ABCB1: variants seen among roughly 807,000 people sequenced by gnomAD.
ABCB1 encodes ATP binding cassette subfamily B member 1, also known as ATP-dependent translocase ABCB1.
A neutral mutation model predicts 142.0 loss-of-function variants in ABCB1; 69 were observed. The observed-to-expected ratio is 0.49, with a 90% CI of 0.40 to 0.59. The LOEUF (loss-of-function observed/expected upper bound fraction) is 0.59. Among genes scored for constraint, ABCB1 ranks in the 20% least tolerant of loss-of-function variants. The pLI is 0.00. For missense variants in ABCB1, 1,326 were observed against 1,554.7 expected, an observed-to-expected ratio of 0.85 and a Z score of 2.47; for synonymous variants, 532 against 539.2, an observed-to-expected ratio of 0.99 and a Z score of 0.18.
chr7:87,504,760 G>C (rs892706142), intron 27 of ABCB1, among the ~76,000 whole-genome samples: 3 of 150,306 alleles, frequency 2.0e-5, no homozygotes, highest in Admixed American at 1.3e-4. Context: ...AGCCAAGATT[G>C]CGCCACTGCA....
intron 25 of ABCB1, among the ~76,000 whole-genome samples, chr7:87,514,888 C>A (rs1182918294): frequency 6.6e-6 from 1 of 152,220 alleles, no homozygotes; most frequent in Non-Finnish European, 1.5e-5. Context: ...AGTCTCCATC[C>A]TTGGCTTTCA....
At chr7:87,653,582 A>G (rs1475042410) in intron 1 of ABCB1, among the ~76,000 whole-genome samples, 1 of 152,156 alleles carries the variant, frequency 6.6e-6, no homozygotes, top group African/African-American at 2.4e-5. Context: ...GTTATTGGAC[A>G]GGTTAGATTA....
intron 18 of ABCB1, among the ~76,000 whole-genome samples, 170 bp from the exon 19 acceptor site, chr7:87,539,515 G>A (rs188005670): frequency 4.6e-5 from 7 of 152,338 alleles, no homozygotes; most frequent in Admixed American, 6.5e-5. Flanking sequence ...TACGGGTGGT[G>A]TAGACAGAAA....
intron 23 of ABCB1, among the ~76,000 whole-genome samples, chr7:87,517,348 T>A (rs1400916589): frequency 6.7e-6 from 1 of 149,664 alleles, no homozygotes; most frequent in African/African-American, 2.5e-5. Flanking sequence ...CATGCATGCA[T>A]GTGTTCTCTC....
chr7:87,710,573 A>G (rs1829987115), intron 1 of ABCB1: 2 of 1,559,916 alleles, frequency 1.3e-6, no homozygotes, highest in Admixed American at 1.8e-5. Flanking sequence ...CTTTTAGGGT[A>G]GAGCCTGGAT....
chr7:87,561,051 A>T (rs181992634), intron 8 of ABCB1, among the ~76,000 whole-genome samples: 1 of 152,252 alleles, frequency 6.6e-6, no homozygotes, highest in Non-Finnish European at 1.5e-5. Flanking sequence ...GTTATTGCCC[A>T]TCTAGAAAAC....
At chr7:87,526,405 G>T (rs2117115107) in intron 21 of ABCB1, among the ~76,000 whole-genome samples, 1 of 152,088 alleles carries the variant, frequency 6.6e-6, no homozygotes, top group Non-Finnish European at 1.5e-5. Context: ...GAGTGGCGAG[G>T]CACAGTGGCT....
At chr7:87,700,424 A>G in intron 1 of ABCB1, 1 of 1,600,244 alleles carries the variant, frequency 6.2e-7, no homozygotes, top group Non-Finnish European at 8.5e-7. Context: ...CCTGAAGGTC[A>G]AGTAACCTGG....
chr7:87,581,905 CTG>C (rs1309820060), intron 4 of ABCB1, among the ~76,000 whole-genome samples: 1 of 152,160 alleles, frequency 6.6e-6, no homozygotes, highest in Non-Finnish European at 1.5e-5. Flanking sequence ...AATGATCTGA[CTG>C]TATCTCGGGC....
At chr7:87,646,741 G>T (rs936192671) in intron 1 of ABCB1, among the ~76,000 whole-genome samples, 1 of 142,646 alleles carries the variant, frequency 7.0e-6, no homozygotes, top group Non-Finnish European at 1.6e-5. Context: ...AGTTTGCCAG[G>T]GATTGGCAGC....
At chr7:87,658,412 A>G (rs1234879858) in intron 1 of ABCB1, among the ~76,000 whole-genome samples, 2 of 152,194 alleles carry the variant, frequency 1.3e-5, no homozygotes, top group Non-Finnish European at 1.5e-5. Context: ...TGGGACAATA[A>G]CAAAAGATGA....
intron 25 of ABCB1, among the ~76,000 whole-genome samples, chr7:87,514,108 A>G (rs1320791238): frequency 6.6e-6 from 1 of 152,188 alleles, no homozygotes. Context: ...TATGAGTAAG[A>G]GTGACCGCTG....
intron 1 of ABCB1, among the ~76,000 whole-genome samples, chr7:87,688,964 T>A (rs886395887): frequency 2.0e-5 from 3 of 152,028 alleles, no homozygotes; most frequent in African/African-American, 7.2e-5. Flanking sequence ...AAATATTTAC[T>A]TATTTACAGA....
rs1052044790 is a variant in ABCB1, at chr7:87,709,356, C to T, written c.-331+3805G>A. 18 of 985,170 alleles carry T rather than the reference C, an allele frequency of 1.8e-5. No individual in the cohort carries two copies. In the South Asian group the frequency reaches 5.6e-4, roughly 31 times the overall value. The allele number at this position is 985,170 out of a possible 1,614,324, so 61.0% of individuals were successfully genotyped here. On this transcript the variant is annotated intron_variant, in intron 1 of 28. Coordinates refer to the ABCB1 transcript ENST00000265724. ...TTTCTGTGTCTTTTAGATGAAATTT[C>T]AAGAGAGAATTTTGAGACTACTGGC...
At chr7:87,661,674 C>T (rs1418360826) in intron 1 of ABCB1, among the ~76,000 whole-genome samples, 1 of 151,778 alleles carries the variant, frequency 6.6e-6, no homozygotes, top group Non-Finnish European at 1.5e-5. Flanking sequence ...TCTGTTTCTT[C>T]CAAGTCTTGG....
At chr7:87,519,556 G>T in intron 22 of ABCB1, 90 bp from the exon 23 acceptor site, 2 of 1,511,646 alleles carry the variant, frequency 1.3e-6, no homozygotes, top group South Asian at 1.1e-5. Context: ...GGGCACAGAG[G>T]CATGACCAAC....
chr7:87,521,360 C>A lies in ABCB1; in HGVS notation c.2686-484G>T. Reference sequence around the variant, plus strand: ...GGCAATAAAAAGTAAATTTTAGATACATTCAAAGGCTTACTCCTCTCTGCC... The same window carrying A: ...GGCAATAAAAAGTAAATTTTAGATAAATTCAAAGGCTTACTCCTCTCTGCC... On this transcript the variant is annotated intron_variant, in intron 21 of 27. Transcript: ENST00000622132. 7.8e-6 allele frequency: 4 copies of A among 513,256 alleles called. No homozygotes were observed. The South Asian group carries it at 1.1e-4, about 14-fold the overall frequency. 31.8% of individuals were successfully genotyped at this position (513,256 alleles called of 1,614,324 possible).
At chr7:87,630,643 G>A (rs1420850997) in intron 1 of ABCB1, among the ~76,000 whole-genome samples, 1 of 149,770 alleles carries the variant, frequency 6.7e-6, no homozygotes, top group Non-Finnish European at 1.5e-5. Flanking sequence ...ATCAGCTTTT[G>A]TTAAACTTCA....
intron 4 of ABCB1, among the ~76,000 whole-genome samples, chr7:87,572,886 A>G (rs1818107392): frequency 9.0e-6 from 1 of 110,536 alleles, no homozygotes; most frequent in East Asian, 3.1e-4. Context: ...CACACACTGG[A>G]GACTTTTGGA....
Sources: allele counts gnomAD v4.1 joint callset (sites outside exome capture counted in the v4.1 genomes callset), GRCh38; gene constraint gnomAD v4.1.1; transcripts MANE v1.5; gene names NCBI Gene and HGNC (gene_info 2026-07-23, HGNC 2026-07-21).